Variants in DDAH1 observed in about 807,000 individuals in gnomAD.
DDAH1 encodes the protein N(G),N(G)-dimethylarginine dimethylaminohydrolase 1.
Under a neutral mutation model 28.8 loss-of-function variants are expected in DDAH1, and 19 were observed. The ratio of observed to expected loss-of-function variants is 0.66; its 90% CI spans 0.46 to 0.97. The LOEUF (loss-of-function observed/expected upper bound fraction) is 0.97, where lower values mean the gene tolerates loss of function less well. Among genes scored for constraint, DDAH1 ranks in the 50% least tolerant of loss-of-function variants. The probability of loss-of-function intolerance (pLI) is 0.00; values close to 1 mark genes in which losing one functional copy is unlikely to be tolerated. For missense variants in DDAH1, 326 were observed against 375.9 expected (o/e 0.87, Z 1.10); for synonymous variants, 153 against 154.4 (o/e 0.99, Z 0.07).
intron 4 of DDAH1, among the ~76,000 whole-genome samples, chr1:85,338,377 G>C (rs555082098): frequency 1.4e-3 from 216 of 152,154 alleles, no homozygotes; most frequent in Non-Finnish European, 2.7e-3. Context: ...CAGTAATCTA[G>C]GGGAGTTATG....
At chr1:85,423,032 G>C (rs938299228) in intron 1 of DDAH1, among the ~76,000 whole-genome samples, 7 of 152,204 alleles carry the variant, frequency 4.6e-5, no homozygotes, top group African/African-American at 1.2e-4. Flanking sequence ...GGCAGGCTGA[G>C]CAGATTAGGA....
chr1:85,388,871 T>G (rs940354123), intron 1 of DDAH1, among the ~76,000 whole-genome samples: 24 of 152,166 alleles, frequency 1.6e-4, no homozygotes, highest in Admixed American at 8.5e-4. Context: ...CGGCCCAGGA[T>G]TCACTTAAAG....
intron 2 of DDAH1, 130 bp from the exon 3 acceptor site, chr1:85,351,709 G>A: frequency 3.1e-6 from 2 of 649,632 alleles, no homozygotes; most frequent in African/African-American, 1.9e-5. Flanking sequence ...CTTCACTAAA[G>A]AGACTACAAA....
chr1:85,534,871 T>C (rs115378889), intron 1 of DDAH1, among the ~76,000 whole-genome samples: 32 of 152,332 alleles, frequency 2.1e-4, no homozygotes, highest in Admixed American at 3.3e-4. Context: ...TTATATAGCA[T>C]ATATTTGATT....
chr1:85,437,994 G>A (rs1377609979), intron 1 of DDAH1, among the ~76,000 whole-genome samples: 6 of 152,182 alleles, frequency 3.9e-5, no homozygotes, highest in Non-Finnish European at 7.3e-5. Flanking sequence ...CTACTATGCA[G>A]CCATAAAAAA....
chr1:85,408,521 A>T (rs542054097), intron 1 of DDAH1, among the ~76,000 whole-genome samples: 1 of 152,306 alleles, frequency 6.6e-6, no homozygotes, highest in Non-Finnish European at 1.5e-5. Context: ...TTTACAAAAA[A>T]AGTACTTCTT....
At chr1:85,424,975 T>G (rs1175023584) in intron 1 of DDAH1, among the ~76,000 whole-genome samples, 1 of 152,130 alleles carries the variant, frequency 6.6e-6, no homozygotes, top group East Asian at 1.9e-4. Flanking sequence ...TCGTTGGCTG[T>G]CTGTAGAAAA....
At chr1:85,395,746 A>T (rs763779563) in intron 1 of DDAH1, among the ~76,000 whole-genome samples, 1 of 152,132 alleles carries the variant, frequency 6.6e-6, no homozygotes, top group Non-Finnish European at 1.5e-5. Flanking sequence ...AAGTTTTAGA[A>T]GATTTATGGA....
At chr1:85,424,510 A>T (rs1653300477) in intron 1 of DDAH1, among the ~76,000 whole-genome samples, 1 of 152,148 alleles carries the variant, frequency 6.6e-6, no homozygotes, top group Admixed American at 6.5e-5. Context: ...AGTAAAGAAA[A>T]GAAGATCTTT....
At chr1:85,385,419 T>C (rs1651205450) in intron 1 of DDAH1, among the ~76,000 whole-genome samples, 1 of 152,226 alleles carries the variant, frequency 6.6e-6, no homozygotes, top group Non-Finnish European at 1.5e-5. Context: ...TTTAACAGTT[T>C]GCTTTTAAGA....
chr1:85,438,593 G>T (rs1654046193), intron 1 of DDAH1, among the ~76,000 whole-genome samples: 1 of 152,260 alleles, frequency 6.6e-6, no homozygotes, highest in South Asian at 2.1e-4. Context: ...AGTCCTCTTT[G>T]AGCAACCCCA....
intron 1 of DDAH1, among the ~76,000 whole-genome samples, chr1:85,525,182 T>C (rs1485705897): frequency 9.2e-5 from 14 of 151,954 alleles, no homozygotes. Flanking sequence ...TTTATCGAAT[T>C]GACTATTTGA....
intron 1 of DDAH1, among the ~76,000 whole-genome samples, chr1:85,428,550 G>A (rs1653520894): frequency 6.6e-6 from 1 of 152,160 alleles, no homozygotes; most frequent in Admixed American, 6.5e-5. Context: ...TGAGATTTGG[G>A]TGGGGACACA....
At chr1:85,458,237 G>A (rs877041) in intron 1 of DDAH1, among the ~76,000 whole-genome samples, 55,247 of 151,874 alleles carry the variant, frequency 0.36, 10,100 homozygotes, top group Admixed American at 0.42. Flanking sequence ...ACTTTTTCAT[G>A]CTGATTCCTC....
chr1:85,481,090 G>T (rs1655993566), intron 2 of DDAH1, among the ~76,000 whole-genome samples: 2 of 111,166 alleles, frequency 1.8e-5, no homozygotes, highest in African/African-American at 3.7e-5. Flanking sequence ...CATTTCTTTG[G>T]GTTTTTTGTT....
chr1:85,355,358 C>T (rs758069018), intron 2 of DDAH1, among the ~76,000 whole-genome samples: 6 of 152,012 alleles, frequency 3.9e-5, no homozygotes, highest in Non-Finnish European at 7.4e-5. Context: ...ATACATTCTA[C>T]GAGGCTAATG....
chr1:85,356,672 T>A (rs1649503785), intron 2 of DDAH1, among the ~76,000 whole-genome samples: 1 of 152,180 alleles, frequency 6.6e-6, no homozygotes, highest in South Asian at 2.1e-4. Context: ...ATCATCTCAG[T>A]TTTGAACAAA....
intron 1 of DDAH1, among the ~76,000 whole-genome samples, chr1:85,418,300 T>A (rs1358932936): frequency 3.3e-5 from 5 of 152,156 alleles, no homozygotes; most frequent in African/African-American, 1.2e-4. Flanking sequence ...ATGTAACAAG[T>A]GAAAACATGA....
chr1:85,389,862 G>A (rs1651459992), intron 1 of DDAH1, among the ~76,000 whole-genome samples: 1 of 152,164 alleles, frequency 6.6e-6, no homozygotes, highest in Non-Finnish European at 1.5e-5. Flanking sequence ...ATGCTAGTGG[G>A]CTCACCATTA....
Sources: allele counts gnomAD v4.1 joint callset (sites outside exome capture counted in the v4.1 genomes callset), GRCh38; gene constraint gnomAD v4.1.1; transcripts MANE v1.5; gene names NCBI Gene and HGNC (gene_info 2026-07-23, HGNC 2026-07-21).